Variants in TMEM117 observed in about 807,000 individuals in gnomAD.
TMEM117 encodes the protein transmembrane protein 117.
In TMEM117, 27 loss-of-function variants were observed where a neutral mutation model predicts 52.4. That is an observed-to-expected ratio of 0.51 (90% CI 0.38 to 0.71). The LOEUF (loss-of-function observed/expected upper bound fraction) is 0.71. TMEM117 is among the 30% of genes least tolerant of loss of function. The pLI, the probability that TMEM117 is intolerant of heterozygous loss-of-function variation, is 0.00. For missense variants in TMEM117, 556 were observed against 630.5 expected (o/e 0.88, Z 1.26); for synonymous variants, 215 against 206.3 (o/e 1.04, Z -0.36).
chr12:44,042,910 G>A (rs554006133), intron 3 of TMEM117, among the ~76,000 whole-genome samples: 175 of 152,128 alleles, frequency 1.2e-3, no homozygotes, highest in Admixed American at 2.2e-3. Flanking sequence ...TCTTTCATTG[G>A]TTTTGGGTTT....
intron 4 of TMEM117, among the ~76,000 whole-genome samples, chr12:44,168,068 A>G (rs1015976693): frequency 4.6e-5 from 7 of 152,088 alleles, no homozygotes; most frequent in African/African-American, 1.7e-4. Flanking sequence ...AGCCTGGCCA[A>G]TATGGTGAAA....
At chr12:43,881,256 T>G (rs561574813) in intron 2 of TMEM117, among the ~76,000 whole-genome samples, 102 of 152,326 alleles carry the variant, frequency 6.7e-4, no homozygotes, top group African/African-American at 2.4e-3. Context: ...GTCCAAAGAT[T>G]ACAGAGATGA....
intron 6 of TMEM117, among the ~76,000 whole-genome samples, chr12:44,339,348 G>A (rs1951385280): frequency 6.6e-6 from 1 of 151,740 alleles, no homozygotes; most frequent in South Asian, 2.1e-4. Context: ...AAAGAGAAAT[G>A]ACATGGCCCT....
chr12:44,387,132 T>TA (rs1454984955), intron 7 of TMEM117, among the ~76,000 whole-genome samples: 7 of 151,750 alleles, frequency 4.6e-5, no homozygotes, highest in African/African-American at 9.7e-5. Flanking sequence ...TAATTTATAA[T>TA]AAAAAATTAT....
intron 5 of TMEM117, among the ~76,000 whole-genome samples, chr12:44,214,112 C>G (rs79639070): frequency 0.019 from 2,847 of 149,636 alleles, 76 homozygotes; most frequent in African/African-American, 0.054. Flanking sequence ...CTATATATCA[C>G]CAATGTCTTA....
chr12:44,323,915 A>G (rs1951164834), intron 6 of TMEM117, among the ~76,000 whole-genome samples: 1 of 152,116 alleles, frequency 6.6e-6, no homozygotes, highest in South Asian at 2.1e-4. Flanking sequence ...AAATAAGCTG[A>G]AGCCCTTCTG....
intron 3 of TMEM117, among the ~76,000 whole-genome samples, chr12:44,022,387 C>T (rs1592448201): frequency 6.6e-6 from 1 of 152,120 alleles, no homozygotes; most frequent in Non-Finnish European, 1.5e-5. Context: ...GGCCTCATGA[C>T]TTGGGCGTCC....
the TMEM117 span, among the ~76,000 whole-genome samples, chr12:44,398,359 A>T: frequency 2.0e-5 from 3 of 151,996 alleles, no homozygotes; most frequent in African/African-American, 7.3e-5. Flanking sequence ...TGTCCCAGAG[A>T]AATCTGTCCA....
the TMEM117 span, chr12:43,806,402 TCCCCGCCG>T: frequency 1.3e-5 from 15 of 1,167,094 alleles, no homozygotes; most frequent in African/African-American, 1.1e-4. Context: ...TGCCCGAGCG[TCCCCGCCG>T]CCCCGCCGCC....
intron 6 of TMEM117, among the ~76,000 whole-genome samples, chr12:44,329,074 T>C (rs993609327): frequency 6.6e-6 from 1 of 151,994 alleles, no homozygotes; most frequent in African/African-American, 2.4e-5. Context: ...ACCTTCCATC[T>C]TATTGCAGAT....
intron 6 of TMEM117, among the ~76,000 whole-genome samples, chr12:44,323,062 C>A (rs1951153187): frequency 6.6e-6 from 1 of 152,058 alleles, no homozygotes; most frequent in Admixed American, 6.6e-5. Flanking sequence ...AAGGACTTGG[C>A]CCTACATTGC....
chr12:44,294,478 T>C (rs1031833233), intron 5 of TMEM117, among the ~76,000 whole-genome samples: 7 of 152,216 alleles, frequency 4.6e-5, no homozygotes, highest in Non-Finnish European at 1.0e-4. Context: ...TGGAAACTAG[T>C]ATGAATTTCC....
chr12:43,912,510 T>TAC lies in TMEM117; in HGVS notation c.278-31699_278-31698insCA, dbSNP rs1372466904. On this transcript the variant is annotated intron_variant, in intron 2 of 7. Transcript: ENST00000266534. ...CTTAAAGTATAATAATAATAATTTA[T>TAC]ATATATATATATATATATATATATA... 7.4e-4 allele frequency among the ~76,000 whole-genome samples: 11 copies of TAC among 14,774 alleles called. 1 individual carries two copies. The highest frequency in any genetic ancestry group is 8.3e-4 in the African/African-American group (11 of 13,314). 9.7% of individuals were successfully genotyped at this position (14,774 alleles called of 152,430 possible). A position where few individuals can be genotyped will look rare whatever the true frequency, so the allele number is the denominator to read the frequency against.
intron 6 of TMEM117, among the ~76,000 whole-genome samples, chr12:44,317,298 A>G (rs868636319): frequency 8.3e-6 from 1 of 119,898 alleles, no homozygotes; most frequent in African/African-American, 4.9e-5. Flanking sequence ...ATATATATAT[A>G]TGTTTTTTTT....
At chr12:44,061,123 G>A (rs1947132340) in intron 3 of TMEM117, among the ~76,000 whole-genome samples, 1 of 152,166 alleles carries the variant, frequency 6.6e-6, no homozygotes, top group Non-Finnish European at 1.5e-5. Flanking sequence ...TGGCAATTGA[G>A]TTGAAAATAT....
intron 3 of TMEM117, among the ~76,000 whole-genome samples, chr12:43,987,962 G>A (rs552817761): frequency 7.9e-5 from 12 of 152,164 alleles, no homozygotes; most frequent in Admixed American, 6.6e-4. Context: ...AATATCTGCA[G>A]TTAATCATGG....
At chr12:44,138,250 T>C (rs1362722382) in intron 3 of TMEM117, among the ~76,000 whole-genome samples, 1 of 152,142 alleles carries the variant, frequency 6.6e-6, no homozygotes, top group Non-Finnish European at 1.5e-5. Context: ...TAGGAAATTA[T>C]TACTTTAGTT....
intron 6 of TMEM117, among the ~76,000 whole-genome samples, chr12:44,348,239 C>A (rs562811758): frequency 1.3e-5 from 2 of 148,604 alleles, no homozygotes; most frequent in African/African-American, 4.9e-5. Flanking sequence ...GGAATAATAT[C>A]TTTGACAAGG....
Position 44,388,490 on chromosome 12 carries a change from G to C in TMEM117, c.1363G>C (p.Ala455Pro). Reference protein sequence around the residue: ...DMGITRENTQASVEDPLNDPS... With the variant: ...DMGITRENTQPSVEDPLNDPS... ...GGGAATCACTCGAGAAAACACCCAG[G>C]CTTCAGTAGAAGACCCCTTGAATGA... The change falls in exon 8 of 8, where the codon GCT becomes CCT. Residue 455 changes from alanine to proline, a missense_variant. Ala to Pro is a conservative substitution (Grantham distance 27). This residue lies in a region of TMEM117 where 206 missense variants were observed against 211.1 expected (regional missense o/e 0.98). Coordinates refer to ENST00000266534, the MANE Select transcript of TMEM117 (RefSeq NM_032256.3). 1 of 1,613,438 alleles carries C rather than the reference G, an allele frequency of 6.2e-7. No individual in the cohort carries two copies. The highest frequency in any genetic ancestry group is 8.5e-7 in the Non-Finnish European group (1 of 1,179,658).
Sources: allele counts gnomAD v4.1 joint callset (sites outside exome capture counted in the v4.1 genomes callset), GRCh38; gene constraint gnomAD v4.1.1; regional missense constraint gnomAD v4.1.1; transcripts MANE v1.5; gene names NCBI Gene and HGNC (gene_info 2026-07-23, HGNC 2026-07-21).